HDAC4: variants seen among roughly 807,000 people sequenced by gnomAD.
HDAC4 encodes the protein histone deacetylase A.
HDAC4 carries 16 observed loss-of-function variants against 135.1 expected under a neutral mutation model. The observed-to-expected ratio is 0.12, with a 90% CI of 0.08 to 0.18. The LOEUF is 0.18. Among genes scored for constraint, HDAC4 ranks in the 10% least tolerant of loss-of-function variants. The pLI, the probability that HDAC4 is intolerant of heterozygous loss-of-function variation, is 1.00. For synonymous variants in HDAC4, 685 were observed against 653.4 expected, an observed-to-expected ratio of 1.05 and a Z score of -0.74; for missense variants, 1,143 against 1,511.8, an observed-to-expected ratio of 0.76 and a Z score of 4.05.
At chr2:239,055,667 A>T (rs531811703) in intron 24 of HDAC4, among the ~76,000 whole-genome samples, 2 of 151,764 alleles carry the variant, frequency 1.3e-5, no homozygotes, top group East Asian at 3.9e-4. Context: ...TAGTGAGCCA[A>T]GATTGTGCCA....
intron 3 of HDAC4, among the ~76,000 whole-genome samples, chr2:239,212,181 T>C (rs938433965): frequency 3.3e-5 from 5 of 152,204 alleles, no homozygotes; most frequent in Admixed American, 3.3e-4. Flanking sequence ...TGGGATGCTT[T>C]AGATTTCTAG....
In HDAC4 at chr2:239,087,905, G is replaced by A. The variant is rs3828195; in HGVS notation, c.2389-291C>T. On this transcript the variant is annotated intron_variant, in intron 18 of 26. Transcript: ENST00000543185. The stretch of plus-strand genomic sequence containing the variant: ...CCACTCTCAGAACTGTCGGTGAGGC[G>A]TGGTGCCCTTGGCTCAGGGGTCGGG... 4.8e-3 allele frequency among the ~76,000 whole-genome samples: 731 copies of A among 152,276 alleles called. 18 individuals carry two copies. In the East Asian group the frequency reaches 0.064, roughly 13 times the overall value.
At chr2:239,116,831 G>A (rs544459454) in intron 12 of HDAC4, among the ~76,000 whole-genome samples, 32 of 152,176 alleles carry the variant, frequency 2.1e-4, no homozygotes, top group Admixed American at 8.5e-4. Context: ...TTCCTTCCTC[G>A]GCCTCCAGCC....
intron 2 of HDAC4, among the ~76,000 whole-genome samples, chr2:239,276,003 T>C (rs1248706983): frequency 6.6e-6 from 1 of 152,084 alleles, no homozygotes; most frequent in Non-Finnish European, 1.5e-5. Flanking sequence ...CCCAAGCAGA[T>C]GGCCAGCATG....
chr2:239,260,236 G>A lies in HDAC4; in HGVS notation c.23-23572C>T, dbSNP rs537522208. Among the ~76,000 whole-genome samples the A allele has an allele frequency of 2.8e-4, 43 of 152,278 alleles. No homozygotes were observed. In the South Asian group the frequency reaches 7.7e-3, roughly 27 times the overall value. On this transcript the variant is annotated intron_variant, in intron 2 of 26. Coordinates refer to ENST00000543185, the MANE Select transcript of HDAC4 (RefSeq NM_001378414.1). ...CTCTTGCACACACGCACACACACAC[G>A]CTCATGCAAAAGCATCGCATGGTGG...
intron 1 of HDAC4, among the ~76,000 whole-genome samples, chr2:239,379,310 C>A (rs1319142011): frequency 6.6e-6 from 1 of 152,136 alleles, no homozygotes; most frequent in Non-Finnish European, 1.5e-5. Flanking sequence ...TGGGCGAGCC[C>A]CGGGGAGACG....
chr2:239,163,669 G>A, intron 6 of HDAC4, 134 bp downstream of exon 6: 1 of 941,180 alleles, frequency 1.1e-6, no homozygotes, highest in South Asian at 1.3e-5. Context: ...GCACCACTGT[G>A]CTTGGGGTTT....
chr2:239,217,598 C>G (rs374516057), intron 3 of HDAC4, among the ~76,000 whole-genome samples: 1 of 152,176 alleles, frequency 6.6e-6, no homozygotes, highest in African/African-American at 2.4e-5. Flanking sequence ...CTCACATCGT[C>G]TGAAGGTGCT....
At chr2:239,255,715 T>C (rs1403532505) in intron 2 of HDAC4, among the ~76,000 whole-genome samples, 1 of 152,130 alleles carries the variant, frequency 6.6e-6, no homozygotes, top group Non-Finnish European at 1.5e-5. Context: ...TGAAACAAAG[T>C]TCAGTACCAC....
chr2:239,234,384 G>A (rs1486493692), intron 3 of HDAC4, among the ~76,000 whole-genome samples: 1 of 152,174 alleles, frequency 6.6e-6, no homozygotes, highest in Admixed American at 6.5e-5. Flanking sequence ...AATGGCCAGC[G>A]TCATGGGGCA....
chr2:239,217,318 T>A (rs997861362), intron 3 of HDAC4, among the ~76,000 whole-genome samples: 3 of 152,184 alleles, frequency 2.0e-5, no homozygotes, highest in African/African-American at 7.2e-5. Flanking sequence ...CAAAACCTAG[T>A]GGTTAACCTA....
intron 24 of HDAC4, among the ~76,000 whole-genome samples, chr2:239,059,558 G>C (rs900494100): frequency 1.3e-4 from 20 of 152,212 alleles, no homozygotes; most frequent in Non-Finnish European, 2.8e-4. Flanking sequence ...AATTCTGGTT[G>C]AAATGGAGAC....
intron 17 of HDAC4, chr2:239,091,676 A>T (rs866613117): frequency 2.6e-5 from 4 of 152,180 alleles, no homozygotes; most frequent in Admixed American, 6.5e-5. Flanking sequence ...TTGAAGCTTC[A>T]TCATCAAAGC....
chr2:239,396,273 G>T (rs542265169), intron 1 of HDAC4, among the ~76,000 whole-genome samples: 5 of 151,816 alleles, frequency 3.3e-5, no homozygotes, highest in Admixed American at 1.3e-4. Context: ...ACCTCGCCCA[G>T]CCCTATTATA....
intron 2 of HDAC4, among the ~76,000 whole-genome samples, chr2:239,339,413 G>A (rs913557676): frequency 8.5e-5 from 13 of 152,162 alleles, no homozygotes; most frequent in Admixed American, 5.2e-4. Flanking sequence ...AGGTCACCCC[G>A]GACACAGAGC....
chr2:239,215,549 C>T (rs183559670), intron 3 of HDAC4, among the ~76,000 whole-genome samples: 85 of 152,314 alleles, frequency 5.6e-4, no homozygotes, highest in South Asian at 2.1e-3. Context: ...TGGCTCAAGG[C>T]GCAGGGAGAT....
intron 12 of HDAC4, among the ~76,000 whole-genome samples, chr2:239,123,263 A>G (rs2039847179): frequency 6.6e-6 from 1 of 152,236 alleles, no homozygotes; most frequent in Non-Finnish European, 1.5e-5. Context: ...GGGAGTAAAG[A>G]TGCCTGGCAG....
intron 6 of HDAC4, among the ~76,000 whole-genome samples, chr2:239,157,757 T>C (rs895815): frequency 0.53 from 80,986 of 152,142 alleles, 22,367 homozygotes; most frequent in South Asian, 0.76. Context: ...CTGGAGTTAT[T>C]TGAATTAAGA....
At chr2:239,081,715 G>A (rs975232476) in intron 21 of HDAC4, among the ~76,000 whole-genome samples, 2 of 152,206 alleles carry the variant, frequency 1.3e-5, no homozygotes, top group African/African-American at 4.8e-5. Flanking sequence ...TGCCGTTCCT[G>A]GGGCCGCCAT....
Sources: gnomAD v4.1 joint callset for allele counts (sites outside exome capture counted in the v4.1 genomes callset) on GRCh38, gnomAD v4.1.1 for gene constraint, MANE v1.5 for transcripts, NCBI Gene and HGNC (gene_info 2026-07-23, HGNC 2026-07-21) for gene names.